The following RIPOR3 variants were observed in gnomAD, a reference collection of about 807,000 sequenced individuals.
RIPOR3 encodes the protein RIPOR family member 3, also known as family with sequence similarity 65 member C.
In RIPOR3, 95 loss-of-function variants were observed where a neutral mutation model predicts 114.3. The ratio of observed to expected loss-of-function variants is 0.83; its 90% CI spans 0.70 to 0.99. RIPOR3 has a LOEUF of 0.99. Ranked by LOEUF, RIPOR3 falls within the 50% of genes least tolerant of loss-of-function variation. The pLI is 0.00. For missense variants in RIPOR3, 1,252 were observed against 1,266.9 expected (o/e 0.99, Z 0.18); for synonymous variants, 575 against 543.8 (o/e 1.06, Z -0.80).
At chr20:50,588,786 A>C (rs549366005) in intron 20 of RIPOR3, among the ~76,000 whole-genome samples, 1 of 151,588 alleles carries the variant, frequency 6.6e-6, no homozygotes, top group East Asian at 1.9e-4. Flanking sequence ...AACACCACAA[A>C]TAAAGAATTC....
chr20:50,651,995 T>C (rs2123403333), intron 1 of RIPOR3, among the ~76,000 whole-genome samples: 1 of 152,310 alleles, frequency 6.6e-6, no homozygotes, highest in African/African-American at 2.4e-5. Context: ...CCTTAGGTCT[T>C]TGAACTCCCC....
At position 50,592,064 on chromosome 20, in the gene RIPOR3, G is replaced by A. The variant is rs186824102; in HGVS notation, c.2577+280C>T. Among the ~76,000 whole-genome samples, 7 of 152,298 alleles carry A rather than the reference G, an allele frequency of 4.6e-5. No homozygotes were observed. In the East Asian group the frequency reaches 1.4e-3, roughly 29 times the overall value. ...ATCGTGGCACTGGACTCCAGCCTGGGCAACAGAGCAGAACTCTGTCTAAAC... is the reference window on the plus strand; with the variant it reads ...ATCGTGGCACTGGACTCCAGCCTGGACAACAGAGCAGAACTCTGTCTAAAC... On this transcript the variant is annotated intron_variant, in intron 19 of 21. Transcript: ENST00000327979.
intron 1 of RIPOR3, among the ~76,000 whole-genome samples, chr20:50,638,167 CA>C (rs547066099): frequency 1.8e-4 from 28 of 152,344 alleles, no homozygotes; most frequent in African/African-American, 4.6e-4. Context: ...AGGGGACACC[CA>C]AGGTGTCTCT....
At chr20:50,630,190 A>G (rs1357211843) in intron 2 of RIPOR3, among the ~76,000 whole-genome samples, 2 of 152,226 alleles carry the variant, frequency 1.3e-5, no homozygotes, top group East Asian at 1.9e-4. Flanking sequence ...GTGGTCTCCA[A>G]CTTCTGACCT....
chr20:50,643,948 C>G (rs1317116870), intron 1 of RIPOR3, among the ~76,000 whole-genome samples: 1 of 151,702 alleles, frequency 6.6e-6, no homozygotes, highest in African/African-American at 2.4e-5. Flanking sequence ...CTCCTGACCT[C>G]GTGATCCGCC....
intron 1 of RIPOR3, among the ~76,000 whole-genome samples, chr20:50,642,625 T>G (rs2085246555): frequency 1.4e-5 from 2 of 146,838 alleles, no homozygotes; most frequent in African/African-American, 5.0e-5. Context: ...AGTCAAGAGA[T>G]TCCACTGCTC....
intron 13 of RIPOR3, among the ~76,000 whole-genome samples, chr20:50,598,924 A>C (rs1040844261): frequency 1.4e-5 from 2 of 145,158 alleles, no homozygotes; most frequent in Admixed American, 1.4e-4. Flanking sequence ...AAAAAAAAGG[A>C]GGGGGTTATG....
chr20:50,597,502 CTGGCAGGAA>C, intron 14 of RIPOR3, 69 bp downstream of exon 14: 1 of 1,532,756 alleles, frequency 6.5e-7, no homozygotes, highest in Non-Finnish European at 8.8e-7. Flanking sequence ...GACGGGGAGG[CTGGCAGGAA>C]ACGTGGAGCT....
intron 1 of RIPOR3, among the ~76,000 whole-genome samples, chr20:50,682,283 C>T (rs978512145): frequency 1.4e-4 from 22 of 152,286 alleles, no homozygotes; most frequent in African/African-American, 2.9e-4. Context: ...ATTATATCAA[C>T]GAATTTTAGC....
chr20:50,591,832 C>A (rs560319846), intron 19 of RIPOR3, among the ~76,000 whole-genome samples: 3 of 152,350 alleles, frequency 2.0e-5, no homozygotes, highest in Admixed American at 2.0e-4. Context: ...CGCAGTGGCT[C>A]ACGCCTGTAA....
intron 1 of RIPOR3, chr20:50,636,909 T>TG: frequency 1.0e-6 from 1 of 985,410 alleles, no homozygotes; most frequent in Non-Finnish European, 1.2e-6. Flanking sequence ...TGGGGCTGGG[T>TG]GGCTTTTATG....
intron 4 of RIPOR3, among the ~76,000 whole-genome samples, 157 bp from the exon 5 acceptor site, chr20:50,611,361 C>CA: frequency 6.6e-6 from 1 of 152,218 alleles, no homozygotes; most frequent in Non-Finnish European, 1.5e-5. Context: ...CTGCCAACGG[C>CA]AGACTGCTGT....
intron 11 of RIPOR3, 28 bp downstream of exon 11, chr20:50,608,361 C>A: frequency 6.2e-7 from 1 of 1,612,858 alleles, no homozygotes; most frequent in East Asian, 2.2e-5. Flanking sequence ...GCCAGGCCTC[C>A]GCTCTCCCCA....
intron 2 of RIPOR3, among the ~76,000 whole-genome samples, chr20:50,625,233 G>C (rs1300072348): frequency 1.3e-5 from 2 of 152,138 alleles, no homozygotes; most frequent in African/African-American, 4.8e-5. Flanking sequence ...ATTACACTCG[G>C]CTAATTTTTT....
intron 15 of RIPOR3, among the ~76,000 whole-genome samples, 187 bp from the exon 16 acceptor site, chr20:50,595,691 G>A (rs1032449560): frequency 6.6e-5 from 10 of 152,118 alleles, no homozygotes; most frequent in Non-Finnish European, 5.9e-5. Context: ...GGCTGCCAGG[G>A]ACCACCTTTG....
At chr20:50,645,818 T>C (rs1034416398) in intron 1 of RIPOR3, 4 of 152,278 alleles carry the variant, frequency 2.6e-5, no homozygotes, top group Non-Finnish European at 5.9e-5. Context: ...TGTTTGCTAG[T>C]GGAGGCTGTT....
intron 5 of RIPOR3, 86 bp downstream of exon 5, chr20:50,611,095 A>T: frequency 6.2e-7 from 1 of 1,603,084 alleles, no homozygotes; most frequent in Admixed American, 1.7e-5. Flanking sequence ...TTTTCTGCCC[A>T]TCAGGCAGCC....
chr20:50,602,093 G>A lies in RIPOR3; in HGVS notation c.1638C>T (p.Leu546=), dbSNP rs763265423. Residue 546 remains leucine, a synonymous_variant, in exon 13 of 22, where the codon CTC becomes CTT. Transcript: ENST00000327979. This position sits in a 1 kb window ranked among gnomAD's most constrained non-coding sequence, Gnocchi z 4.3. ...ATACCTTCAGCCGGTCCCGGAAGCC[G>A]AGGACCTGGTACTCCAGCTCCCGGA... ...PQLRELEYQV[L]GFRDRLKPCR... 46 of 1,583,588 alleles carry A rather than the reference G, an allele frequency of 2.9e-5. No individual in the cohort carries two copies. Among genetic ancestry groups the A allele is most frequent in the East Asian group, 4.5e-5 (2 of 43,988 alleles).
chr20:50,670,609 C>G (rs1411580577), intron 1 of RIPOR3, among the ~76,000 whole-genome samples: 1 of 152,148 alleles, frequency 6.6e-6, no homozygotes, highest in Non-Finnish European at 1.5e-5. Flanking sequence ...GCATGGATAT[C>G]CGTCACCAGC....
Sources: allele counts gnomAD v4.1 joint callset (sites outside exome capture counted in the v4.1 genomes callset), GRCh38; gene constraint gnomAD v4.1.1; non-coding constraint Gnocchi (gnomAD v3.1); transcripts MANE v1.5; gene names NCBI Gene and HGNC (gene_info 2026-07-23, HGNC 2026-07-21).